ARSG: variants seen among roughly 807,000 people sequenced by gnomAD.
The protein encoded by ARSG is ASG.
Under a neutral mutation model 50.5 loss-of-function variants are expected in ARSG, and 37 were observed. The observed-to-expected ratio is 0.73, with a 90% CI of 0.56 to 0.96. The LOEUF is 0.96. Among genes scored for constraint, ARSG ranks in the 50% least tolerant of loss-of-function variants. The probability of loss-of-function intolerance (pLI) is 0.00; values close to 1 mark genes in which losing one functional copy is unlikely to be tolerated. For synonymous variants in ARSG, 225 were observed against 254.6 expected, an observed-to-expected ratio of 0.88 and a Z score of 1.11; for missense variants, 629 against 675.3, an observed-to-expected ratio of 0.93 and a Z score of 0.76.
chr17:68,450,850 G>C, the ARSG span: 3 of 1,614,092 alleles, frequency 1.9e-6, no homozygotes, highest in Non-Finnish European at 2.5e-6. Flanking sequence ...ACCACCACCA[G>C]GCTGCTGGAG....
chr17:68,427,318 CA>C, downstream of ARSG: 1 of 1,249,118 alleles, frequency 8.0e-7, no homozygotes, highest in Non-Finnish European at 1.2e-6. Context: ...GGACACCTTC[CA>C]AAGGAAAAGC....
the ARSG span, among the ~76,000 whole-genome samples, chr17:68,442,343 T>A: frequency 6.6e-6 from 1 of 151,724 alleles, no homozygotes; most frequent in Non-Finnish European, 1.5e-5. Context: ...TAGGCACCTG[T>A]AGTCCCAGCT....
chr17:68,426,246 G>GGGGGTTGGTTTT, downstream of ARSG: 1 of 894,424 alleles, frequency 1.1e-6, no homozygotes, highest in Non-Finnish European at 1.7e-6. Flanking sequence ...GGCGGGTGGG[G>GGGGGTTGGTTTT]AGCGGGGGCT....
intron 8 of ARSG, among the ~76,000 whole-genome samples, chr17:68,372,441 G>A (rs2008326): frequency 0.16 from 23,812 of 152,136 alleles, 2,509 homozygotes; most frequent in African/African-American, 0.29. Flanking sequence ...CATGGCTAGG[G>A]AGGCCTCAGG....
In ARSG at chr17:68,271,305, G is replaced by A. The variant is rs2075331400; in HGVS notation, c.-552+11879G>A. The A allele has an allele frequency of 6.2e-7, 1 of 1,614,238 alleles. No homozygotes were observed. Among genetic ancestry groups the A allele is most frequent in the East Asian group, 2.2e-5 (1 of 44,888 alleles). On this transcript the variant is annotated intron_variant, in intron 1 of 11. Transcript: ENST00000448504. This position sits in a 1 kb window ranked among gnomAD's most constrained non-coding sequence, Gnocchi z 5.3. Reference sequence around the variant, plus strand: ...AACTTTTCTCTTTCAAAATGGAGAAGTCTAATAGCGGGGCTTTCTTTTCGC... The same window carrying A: ...AACTTTTCTCTTTCAAAATGGAGAAATCTAATAGCGGGGCTTTCTTTTCGC...
At chr17:68,372,652 A>G (rs368663131) in intron 8 of ARSG, among the ~76,000 whole-genome samples, 1 of 152,092 alleles carries the variant, frequency 6.6e-6, no homozygotes, top group East Asian at 1.9e-4. Flanking sequence ...CTCCTCCAAC[A>G]CTGGGGATTA....
At chr17:68,394,358 T>C (rs1472455544) in intron 9 of ARSG, among the ~76,000 whole-genome samples, 2 of 152,008 alleles carry the variant, frequency 1.3e-5, no homozygotes, top group South Asian at 4.1e-4. Context: ...TCCCAACACT[T>C]TGGGAGGCTG....
chr17:68,326,278 A>C (rs552473767), intron 2 of ARSG, among the ~76,000 whole-genome samples: 10 of 152,236 alleles, frequency 6.6e-5, no homozygotes, highest in Non-Finnish European at 1.3e-4. Flanking sequence ...CCAGCTGACC[A>C]GGAGGGGCCA....
intron 8 of ARSG, among the ~76,000 whole-genome samples, chr17:68,372,128 T>C (rs1055892752): frequency 2.0e-5 from 3 of 152,140 alleles, no homozygotes; most frequent in African/African-American, 7.2e-5. Context: ...TTTACCCTCA[T>C]TGAGGGATGT....
At chr17:68,371,328 A>AAG (rs2079833936) in intron 8 of ARSG, among the ~76,000 whole-genome samples, 1 of 151,654 alleles carries the variant, frequency 6.6e-6, no homozygotes, top group African/African-American at 2.4e-5. Flanking sequence ...AAAAAAAAAA[A>AAG]AAAAAAAAGA....
downstream of ARSG, among the ~76,000 whole-genome samples, chr17:68,426,934 G>A (rs1289003563): frequency 6.6e-6 from 1 of 152,156 alleles, no homozygotes; most frequent in Non-Finnish European, 1.5e-5. Flanking sequence ...AGGTTTAAAG[G>A]CTATTACCAT....
chr17:68,385,107 G>C lies in ARSG; in HGVS notation c.1026G>C (p.Arg342=). 6.2e-7 allele frequency: 1 copy of C among 1,614,032 alleles called. No individual in the cohort carries two copies. The highest frequency in any genetic ancestry group is 1.1e-5 in the South Asian group (1 of 91,082). Reference sequence around the variant, plus strand: ...AGACGACCTGGGAAGGAGGGCACCGGGTCCCAGCACTGGCTTACTGGCCTG... The same window carrying C: ...AGACGACCTGGGAAGGAGGGCACCGCGTCCCAGCACTGGCTTACTGGCCTG... ...AKQTTWEGGH[R]VPALAYWPGR... The change falls in exon 9 of 12, where the codon CGG becomes CGC. Residue 342 remains arginine (R), a synonymous_variant. Coordinates refer to ENST00000621439, the MANE Select transcript of ARSG (RefSeq NM_001267727.2).
chr17:68,350,744 C>A (rs951668358), intron 4 of ARSG, among the ~76,000 whole-genome samples: 1 of 152,038 alleles, frequency 6.6e-6, no homozygotes, highest in African/African-American at 2.4e-5. Context: ...GAGATTTCCC[C>A]ACTGCACTCC....
At chr17:68,282,418 G>T (rs2075722517) in intron 1 of ARSG, among the ~76,000 whole-genome samples, 1 of 151,832 alleles carries the variant, frequency 6.6e-6, no homozygotes, top group South Asian at 2.1e-4. Flanking sequence ...CGAGTTAATG[G>T]GTGCAGCACA....
intron 1 of ARSG, among the ~76,000 whole-genome samples, chr17:68,265,638 T>C (rs1335034657): frequency 6.6e-6 from 1 of 151,936 alleles, no homozygotes; most frequent in African/African-American, 2.4e-5. Flanking sequence ...CTGGCGGTAC[T>C]GACCTGTGCC....
chr17:68,433,717 C>A, the ARSG span: 88 of 278,980 alleles, frequency 3.2e-4, no homozygotes, highest in Middle Eastern at 1.0e-3. Flanking sequence ...CTGTGGTGCT[C>A]ATATTTAGAA....
intron 8 of ARSG, among the ~76,000 whole-genome samples, chr17:68,379,421 ATTTTTTT>A (rs375841879): frequency 0.1 from 7,246 of 72,176 alleles, 360 homozygotes; most frequent in Middle Eastern, 0.18. Flanking sequence ...GAACACTACA[ATTTTTTT>A]TTTTTTTTTT....
the ARSG span, among the ~76,000 whole-genome samples, chr17:68,440,159 C>T: frequency 2.0e-5 from 3 of 152,158 alleles, no homozygotes; most frequent in African/African-American, 4.8e-5. Flanking sequence ...CCTCCAGGCT[C>T]GCACCTCTAC....
In ARSG at chr17:68,282,088, C is replaced by T. The variant is rs147826318; in HGVS notation, c.-552+22662C>T. 6.3e-3 allele frequency among the ~76,000 whole-genome samples: 958 copies of T among 152,254 alleles called. 7 individuals are homozygous for T. Among genetic ancestry groups the T allele is most frequent in the African/African-American group, 0.022 (905 of 41,544 alleles). ...GCGGCACTATTCACAACAGCAAAGA[C>T]TTGGAACCAATCCAAATGTCCATCA... On this transcript the variant is annotated intron_variant, in intron 1 of 11. Coordinates refer to the ARSG transcript ENST00000448504.
Sources: allele counts gnomAD v4.1 joint callset (sites outside exome capture counted in the v4.1 genomes callset), GRCh38; gene constraint gnomAD v4.1.1; non-coding constraint Gnocchi (gnomAD v3.1); transcripts MANE v1.5; gene names NCBI Gene and HGNC (gene_info 2026-07-23, HGNC 2026-07-21).